Variants in ERBB4 observed in about 807,000 individuals in gnomAD.
ERBB4 encodes receptor tyrosine-protein kinase erbB-4.
ERBB4 carries 42 observed loss-of-function variants against 158.0 expected under a neutral mutation model. That is an observed-to-expected ratio of 0.27 (90% CI 0.21 to 0.34). ERBB4 has a LOEUF of 0.34. Ranked by LOEUF, ERBB4 falls within the 10% of genes least tolerant of loss-of-function variation. The pLI is 1.00. For missense variants in ERBB4, 1,333 were observed against 1,624.1 expected (o/e 0.82, Z 3.08); for synonymous variants, 583 against 558.7 (o/e 1.04, Z -0.61).
intron 25 of ERBB4, among the ~76,000 whole-genome samples, chr2:211,398,064 A>C (rs2062957989): frequency 6.6e-6 from 1 of 151,850 alleles, no homozygotes; most frequent in South Asian, 2.1e-4. Context: ...CAAACATCAC[A>C]TTTCTTAAAG....
intron 3 of ERBB4, among the ~76,000 whole-genome samples, chr2:211,916,898 T>C (rs1046866802): frequency 5.3e-5 from 8 of 152,208 alleles, no homozygotes; most frequent in Admixed American, 5.2e-4. Context: ...TATATAAACA[T>C]CACAAAATGT....
intron 1 of ERBB4, among the ~76,000 whole-genome samples, chr2:212,164,118 T>A (rs547194883): frequency 1.3e-5 from 2 of 151,992 alleles, no homozygotes; most frequent in East Asian, 3.9e-4. Flanking sequence ...ATTTTTGATA[T>A]CAAATAGGCT....
At chr2:212,191,964 ATGT>A (rs2082259640) in intron 1 of ERBB4, among the ~76,000 whole-genome samples, 1 of 108,562 alleles carries the variant, frequency 9.2e-6, no homozygotes, top group Non-Finnish European at 1.8e-5. Flanking sequence ...TATGTTATAT[ATGT>A]TATATGTTAT....
At chr2:211,612,547 T>C (rs750160763) in intron 19 of ERBB4, among the ~76,000 whole-genome samples, 3 of 151,972 alleles carry the variant, frequency 2.0e-5, no homozygotes, top group Non-Finnish European at 2.9e-5. Flanking sequence ...TTAGGTATGA[T>C]TGGAAGATGA....
At chr2:211,527,200 A>G (rs893248439) in intron 20 of ERBB4, among the ~76,000 whole-genome samples, 14 of 152,104 alleles carry the variant, frequency 9.2e-5, no homozygotes, top group Admixed American at 2.6e-4. Context: ...AAAGCAAGAG[A>G]AAAGAAACAA....
chr2:211,871,383 A>AT (rs572877525), intron 3 of ERBB4, among the ~76,000 whole-genome samples: 3 of 152,154 alleles, frequency 2.0e-5, no homozygotes, highest in Admixed American at 1.3e-4. Context: ...TATTGGGGCC[A>AT]TTTTTTCTGG....
intron 4 of ERBB4, among the ~76,000 whole-genome samples, chr2:211,776,900 G>A (rs1266960245): frequency 1.3e-5 from 2 of 152,082 alleles, no homozygotes; most frequent in Non-Finnish European, 2.9e-5. Flanking sequence ...TTTGGTAGGA[G>A]GGCCTTAAGA....
At chr2:212,124,031 C>G (rs181428500) in intron 2 of ERBB4, among the ~76,000 whole-genome samples, 6 of 152,132 alleles carry the variant, frequency 3.9e-5, no homozygotes, top group African/African-American at 1.4e-4. Flanking sequence ...TTGTCAAAGG[C>G]CCCTTCAAGT....
chr2:211,837,847 A>G (rs1436952802), intron 3 of ERBB4, among the ~76,000 whole-genome samples: 2 of 152,158 alleles, frequency 1.3e-5, no homozygotes, highest in African/African-American at 4.8e-5. Context: ...AAATAAAGAC[A>G]GATGGTGAGA....
intron 25 of ERBB4, among the ~76,000 whole-genome samples, chr2:211,415,266 GC>G (rs1377320113): frequency 2.0e-5 from 3 of 151,858 alleles, no homozygotes; most frequent in African/African-American, 7.2e-5. Flanking sequence ...ACAGGCGCCC[GC>G]CACCACGCCC....
chr2:211,451,287 A>G (rs1360180168), intron 20 of ERBB4, among the ~76,000 whole-genome samples: 6 of 152,228 alleles, frequency 3.9e-5, no homozygotes, highest in Non-Finnish European at 8.8e-5. Context: ...TTAGGAGGTC[A>G]TTAGTGATGT....
intron 1 of ERBB4, among the ~76,000 whole-genome samples, chr2:212,166,957 A>T (rs1329178258): frequency 6.6e-6 from 1 of 152,184 alleles, no homozygotes; most frequent in South Asian, 2.1e-4. Context: ...TGGATTGAAG[A>T]CTTAAATGTA....
intron 25 of ERBB4, among the ~76,000 whole-genome samples, chr2:211,389,405 G>A (rs992374621): frequency 2.6e-5 from 4 of 152,122 alleles, no homozygotes; most frequent in Non-Finnish European, 5.9e-5. Context: ...GAAGAATATG[G>A]TCCCATGGAG....
chr2:211,623,837 G>T (rs2069729099), intron 18 of ERBB4, 85 bp downstream of exon 18: 2 of 1,337,934 alleles, frequency 1.5e-6, no homozygotes, highest in African/African-American at 2.9e-5. Flanking sequence ...AAATTAGGTT[G>T]TCTAAAGTAA....
At chr2:211,887,253 T>TACAC (rs112197898) in intron 3 of ERBB4, among the ~76,000 whole-genome samples, 7,219 of 145,320 alleles carry the variant, frequency 0.05, 298 homozygotes, top group African/African-American at 0.12. Context: ...AACAGAGGAT[T>TACAC]ACACACACAC....
At chr2:211,665,256 T>C in intron 15 of ERBB4, 67 bp downstream of exon 15, 1 of 1,472,056 alleles carries the variant, frequency 6.8e-7, no homozygotes, top group Non-Finnish European at 9.5e-7. Context: ...TCAGAGATGG[T>C]ACCAGGGATA....
At chr2:212,203,439 G>A (rs757346345) in intron 1 of ERBB4, among the ~76,000 whole-genome samples, 3 of 152,164 alleles carry the variant, frequency 2.0e-5, no homozygotes. Context: ...ATGAGCTCAA[G>A]ACACAATGAA....
chr2:212,046,970 G>A (rs776500087), intron 2 of ERBB4, among the ~76,000 whole-genome samples: 66 of 152,104 alleles, frequency 4.3e-4, no homozygotes, highest in Non-Finnish European at 7.8e-4. Context: ...CAATTTGGAA[G>A]CTTACTATAG....
At chr2:212,481,452 C>G (rs971409867) in intron 1 of ERBB4, among the ~76,000 whole-genome samples, 2 of 152,256 alleles carry the variant, frequency 1.3e-5, no homozygotes, top group African/African-American at 4.8e-5. Flanking sequence ...TAAAGAGATT[C>G]TAGTAGAACA....
Sources: gnomAD v4.1 joint callset for allele counts (sites outside exome capture counted in the v4.1 genomes callset) on GRCh38, gnomAD v4.1.1 for gene constraint, MANE v1.5 for transcripts, NCBI Gene and HGNC (gene_info 2026-07-23, HGNC 2026-07-21) for gene names.